Variants in KLF8 observed in about 807,000 individuals in gnomAD.
KLF8 encodes KLF transcription factor 8.
A neutral mutation model predicts 18.2 loss-of-function variants in KLF8; 10 were observed. The observed-to-expected ratio is 0.55, with a 90% confidence interval of 0.34 to 0.93. The LOEUF is 0.93. Among genes scored for constraint, KLF8 ranks in the 40% least tolerant of loss-of-function variants. KLF8 has a pLI of 0.02. For missense variants in KLF8, 264 were observed against 277.9 expected, an observed-to-expected ratio of 0.95 and a Z score of 0.36; for synonymous variants, 109 against 97.3, an observed-to-expected ratio of 1.12 and a Z score of -0.71.
chrX:56,152,792 C>T, the KLF8 span, among the ~76,000 whole-genome samples: 15 of 112,075 alleles, frequency 1.3e-4, no homozygotes, highest in African/African-American at 4.9e-4. Context: ...ATACTGTTTA[C>T]TATGTATTCT....
At chrX:56,189,886 G>C in the KLF8 span, among the ~76,000 whole-genome samples, 4 of 63,836 alleles carry the variant, frequency 6.3e-5, no homozygotes, top group Non-Finnish European at 1.1e-4. Context: ...GGGGGGAGGG[G>C]GGAGGGATAA....
chrX:55,918,140 GAAGTT>G, the KLF8 span, among the ~76,000 whole-genome samples: 73 of 112,021 alleles, frequency 6.5e-4, no homozygotes, highest in African/African-American at 2.2e-3. Context: ...GTAGATAAAG[GAAGTT>G]GTTTCTACCT....
At chrX:56,095,623 A>C in the KLF8 span, among the ~76,000 whole-genome samples, 1 of 111,878 alleles carries the variant, frequency 8.9e-6, no homozygotes, top group Non-Finnish European at 1.9e-5. Context: ...AACAAATAAT[A>C]TTATTTAAAA....
the KLF8 span, among the ~76,000 whole-genome samples, chrX:56,137,236 C>T: frequency 2.8e-5 from 3 of 109,028 alleles, no homozygotes; most frequent in South Asian, 4.1e-4. Flanking sequence ...ACCATTTGAC[C>T]CAGCCATCCC....
chrX:56,270,249 T>C lies in KLF8; in HGVS notation c.826T>C (p.Cys276Arg), dbSNP rs1379763969. The C allele has an allele frequency of 8.8e-7, 1 of 1,134,261 alleles. No individual in the cohort carries two copies. The highest frequency in any genetic ancestry group is 1.8e-5 in the South Asian group (1 of 55,653). 93.5% of individuals were successfully genotyped at this position (1,134,261 alleles called of 1,213,427 possible). ...CTTGAAGAGAAGACGGATTCACCAATGTGACTTTGCAGGATGCAGCAAAGT... is the reference window on the plus strand; with the variant it reads ...CTTGAAGAGAAGACGGATTCACCAACGTGACTTTGCAGGATGCAGCAAAGT... Reference protein sequence around the residue: ...LDLKRRRIHQCDFAGCSKVYT... With the variant: ...LDLKRRRIHQRDFAGCSKVYT... Residue 276 changes from cysteine to arginine, a missense_variant, in exon 5 of 6, where the codon TGT (cysteine) becomes CGT (arginine). Around this residue, in one of 2 missense-constraint regions of KLF8, gnomAD observed 43 missense variants for 84.3 expected, o/e 0.51. Coordinates refer to ENST00000468660, the MANE Select transcript of KLF8 (RefSeq NM_007250.5).
At chrX:56,194,491 G>A in the KLF8 span, among the ~76,000 whole-genome samples, 2 of 112,171 alleles carry the variant, frequency 1.8e-5, no homozygotes, top group Admixed American at 1.9e-4. Flanking sequence ...CTGCGAGGTG[G>A]CAGCCTGACT....
chrX:56,026,432 A>G, the KLF8 span, among the ~76,000 whole-genome samples: 3 of 111,932 alleles, frequency 2.7e-5, no homozygotes, highest in Admixed American at 2.8e-4. Context: ...CTCGCAGTAT[A>G]GGAGGAGGAC....
the KLF8 span, among the ~76,000 whole-genome samples, chrX:56,166,880 G>A: frequency 1.8e-5 from 2 of 111,394 alleles, no homozygotes; most frequent in Non-Finnish European, 3.8e-5. Context: ...CAATTGCCAG[G>A]CTTTAAGAAA....
At chrX:56,233,427 C>A in intron 1 of KLF8, 86 bp downstream of exon 1, 1 of 742,635 alleles carries the variant, frequency 1.3e-6, no homozygotes, top group Non-Finnish European at 2.1e-6. Context: ...GCTCCCCCCA[C>A]ACACCCCACT....
At chrX:56,173,871 G>C in the KLF8 span, among the ~76,000 whole-genome samples, 4 of 111,534 alleles carry the variant, frequency 3.6e-5, no homozygotes, top group Admixed American at 3.8e-4. Context: ...ATCCTGAATG[G>C]GAGTTCACTC....
At chrX:56,219,901 G>T in the KLF8 span, among the ~76,000 whole-genome samples, 3 of 111,959 alleles carry the variant, frequency 2.7e-5, no homozygotes, top group African/African-American at 9.7e-5. Context: ...CTGAACATTG[G>T]GGGGCAGTAG....
Position 56,288,231 on chromosome X carries a change from A to G in KLF8, c.*3737A>G, listed in dbSNP as rs1357969873. Among the ~76,000 whole-genome samples, 1 of 108,591 alleles carries G rather than the reference A, an allele frequency of 9.2e-6. No individual in the cohort carries two copies. Among genetic ancestry groups the G allele is most frequent in the Non-Finnish European group, 1.9e-5 (1 of 52,551 alleles). The allele number at this position is 108,591 out of a possible 115,157, so 94.3% of individuals were successfully genotyped here. On this transcript the variant is annotated 3_prime_UTR_variant, in exon 6 of 6. Transcript: ENST00000468660. ...TCCAGCCTGGGTGACAGAGCGACAC[A>G]CTTGATCTCAAAAAAAAAAAAATTG...
rs1224548105 is a variant in KLF8, at chrX:56,284,495, G to A, written c.*1G>A. 8.5e-7 allele frequency: 1 copy of A among 1,178,882 alleles called. No homozygotes were observed. Among genetic ancestry groups the A allele is most frequent in the Admixed American group, 2.4e-5 (1 of 42,362 alleles). On this transcript the variant is annotated 3_prime_UTR_variant, in exon 6 of 6. Coordinates refer to ENST00000468660, the MANE Select transcript of KLF8 (RefSeq NM_007250.5). ...TCGCCGTCGCCATGACACCATGTGA[G>A]CCGCACAGGTCACACTAGAGAAGCT... is the stretch of plus-strand genomic sequence containing the variant.
chrX:55,992,956 G>T, the KLF8 span, among the ~76,000 whole-genome samples: 4 of 111,565 alleles, frequency 3.6e-5, no homozygotes, highest in Non-Finnish European at 7.5e-5. Context: ...TTTATACCTT[G>T]AAACTTTGCT....
chrX:56,002,073 A>C, the KLF8 span, among the ~76,000 whole-genome samples: 1 of 112,074 alleles, frequency 8.9e-6, no homozygotes, highest in Admixed American at 9.5e-5. Context: ...AAAGCTAAAA[A>C]TGAAGAATGT....
At chrX:56,244,400 C>T (rs1187689971) in intron 1 of KLF8, among the ~76,000 whole-genome samples, 1 of 110,649 alleles carries the variant, frequency 9.0e-6, no homozygotes, top group Non-Finnish European at 1.9e-5. Context: ...GTTGCCCAGG[C>T]TATTCTCAAA....
At position 56,245,299 on chromosome X, in the gene KLF8, G is replaced by A. The variant is rs116619565; in HGVS notation, c.8-4932G>A. 2.1e-3 allele frequency among the ~76,000 whole-genome samples: 236 copies of A among 111,533 alleles called. 3 individuals are homozygous for A. Among genetic ancestry groups the A allele is most frequent in the African/African-American group, 7.3e-3 (223 of 30,682 alleles). ...TATCTCTAGGCATTTTTCCCTTTCA[G>A]GGTTGGCCAAAGGATGGGATGTTTT... is the stretch of plus-strand genomic sequence containing the variant. On this transcript the variant is annotated intron_variant, in intron 1 of 5. Transcript: ENST00000468660.
the KLF8 span, among the ~76,000 whole-genome samples, chrX:56,032,403 T>C: frequency 1.8e-5 from 2 of 111,839 alleles, no homozygotes; most frequent in African/African-American, 6.5e-5. Flanking sequence ...TGGCAATGTA[T>C]ACCATTCTGT....
At chrX:56,024,159 A>G in the KLF8 span, among the ~76,000 whole-genome samples, 2 of 111,217 alleles carry the variant, frequency 1.8e-5, no homozygotes, top group Admixed American at 1.9e-4. Context: ...GCGTACTGAC[A>G]ATATTTTTAA....
Sources: allele counts gnomAD v4.1 joint callset (sites outside exome capture counted in the v4.1 genomes callset), GRCh38; gene constraint gnomAD v4.1.1; regional missense constraint gnomAD v4.1.1; transcripts MANE v1.5; gene names NCBI Gene and HGNC (gene_info 2026-07-23, HGNC 2026-07-21).